Variants in ADGRB3 observed in about 807,000 individuals in gnomAD.
ADGRB3 encodes adhesion G protein-coupled receptor B3.
Under a neutral mutation model 193.4 loss-of-function variants are expected in ADGRB3, and 37 were observed. That is an observed-to-expected ratio of 0.19 (90% confidence interval 0.15 to 0.25). ADGRB3 has a LOEUF of 0.25. Among genes scored for constraint, ADGRB3 ranks in the 10% least tolerant of loss-of-function variants. The probability of loss-of-function intolerance (pLI) is 1.00; values close to 1 mark genes in which losing one functional copy is unlikely to be tolerated. For synonymous variants in ADGRB3, 690 were observed against 644.2 expected (o/e 1.07, Z -1.08); for missense variants, 1,637 against 1,852.9 (o/e 0.88, Z 2.14).
chr6:68,874,962 C>G (rs77304716), intron 3 of ADGRB3, among the ~76,000 whole-genome samples: 1 of 146,550 alleles, frequency 6.8e-6, no homozygotes, highest in Non-Finnish European at 1.6e-5. Flanking sequence ...CACTGATATC[C>G]CCTCAATGCC....
At chr6:68,964,532 C>G (rs766353996) in intron 8 of ADGRB3, among the ~76,000 whole-genome samples, 4 of 152,180 alleles carry the variant, frequency 2.6e-5, no homozygotes, top group Non-Finnish European at 5.9e-5. Flanking sequence ...TAAGGTAATA[C>G]AGAAACTTAG....
intron 3 of ADGRB3, among the ~76,000 whole-genome samples, chr6:68,643,048 T>A (rs1561980659): frequency 6.6e-6 from 1 of 151,832 alleles, no homozygotes; most frequent in Non-Finnish European, 1.5e-5. Context: ...GGCAGAAAAA[T>A]TCTACACCAG....
At position 69,227,476 on chromosome 6, in the gene ADGRB3, A is replaced by C. The variant is rs1766044259; in HGVS notation, c.2481-5814A>C. 2.0e-5 allele frequency among the ~76,000 whole-genome samples: 3 copies of C among 152,168 alleles called. No homozygotes were observed. In the South Asian group the frequency reaches 6.2e-4, roughly 32 times the overall value. ...TGGATTTTTATTGAAGTTAAACTTG[A>C]GGGTAAATGGCGAGAAACACAATGA... On this transcript the variant is annotated intron_variant, in intron 17 of 31. Coordinates refer to ENST00000370598, the MANE Select transcript of ADGRB3 (RefSeq NM_001704.3).
chr6:68,658,788 T>C (rs201511013), intron 3 of ADGRB3, among the ~76,000 whole-genome samples: 1 of 112,496 alleles, frequency 8.9e-6, no homozygotes, highest in Non-Finnish European at 1.9e-5. Context: ...CCTTGAACTT[T>C]ACTTAGCACC....
chr6:69,058,528 A>G (rs568484268), intron 15 of ADGRB3, among the ~76,000 whole-genome samples: 6 of 152,080 alleles, frequency 3.9e-5, no homozygotes, highest in East Asian at 3.9e-4. Flanking sequence ...TCTGAAGTAT[A>G]AAGTCAGGTT....
chr6:69,200,307 A>G (rs1157547712), intron 17 of ADGRB3, among the ~76,000 whole-genome samples: 2 of 152,130 alleles, frequency 1.3e-5, no homozygotes, highest in Admixed American at 6.6e-5. Flanking sequence ...TCTAGATATC[A>G]TATTCTTGAC....
chr6:68,746,919 G>A (rs1223558536), intron 3 of ADGRB3, among the ~76,000 whole-genome samples: 1 of 151,906 alleles, frequency 6.6e-6, no homozygotes, highest in African/African-American at 2.4e-5. Context: ...GGGTTATTGT[G>A]TCTTTTGGAC....
chr6:68,897,485 G>A (rs115915814), intron 3 of ADGRB3, among the ~76,000 whole-genome samples: 1 of 100,158 alleles, frequency 1.0e-5, no homozygotes, highest in African/African-American at 4.5e-5. Context: ...GAGGGATGGA[G>A]GAAGGGAGGG....
intron 20 of ADGRB3, among the ~76,000 whole-genome samples, chr6:69,256,767 T>A (rs1766782663): frequency 6.6e-6 from 1 of 152,222 alleles, no homozygotes; most frequent in African/African-American, 2.4e-5. Flanking sequence ...AGAGAGGGCA[T>A]CCCTGTCTTG....
chr6:69,226,472 T>C (rs79542370), intron 17 of ADGRB3, among the ~76,000 whole-genome samples: 3,817 of 152,256 alleles, frequency 0.025, 153 homozygotes, highest in African/African-American at 0.087. Context: ...GTCCTCATGA[T>C]ATGTACATTC....
intron 18 of ADGRB3, among the ~76,000 whole-genome samples, chr6:69,234,639 G>T (rs572031092): frequency 2.0e-5 from 3 of 152,192 alleles, no homozygotes; most frequent in Non-Finnish European, 4.4e-5. Flanking sequence ...ATTTTACCAA[G>T]AATCATATTG....
At chr6:68,976,332 A>G (rs754607978) in intron 10 of ADGRB3, among the ~76,000 whole-genome samples, 8 of 152,220 alleles carry the variant, frequency 5.3e-5, no homozygotes, top group Non-Finnish European at 1.2e-4. Context: ...AATTCTGTAC[A>G]GCATGTTTCC....
intron 17 of ADGRB3, among the ~76,000 whole-genome samples, chr6:69,208,731 T>C (rs1368474034): frequency 2.0e-5 from 3 of 152,162 alleles, no homozygotes; most frequent in African/African-American, 7.2e-5. Context: ...GTGGAGACCA[T>C]GGCCATTTGA....
At chr6:69,280,038 C>T (rs1179966754) in intron 20 of ADGRB3, among the ~76,000 whole-genome samples, 2 of 152,308 alleles carry the variant, frequency 1.3e-5, no homozygotes, top group African/African-American at 4.8e-5. Context: ...GCTCCCTAGT[C>T]ATCGGCAGGA....
Position 69,382,925 on chromosome 6 carries a change from C to G in ADGRB3, c.4370C>G (p.Thr1457Arg). 1 of 1,599,496 alleles carries G rather than the reference C, an allele frequency of 6.3e-7. No individual in the cohort carries two copies. Among genetic ancestry groups the G allele is most frequent in the South Asian group, 1.1e-5 (1 of 90,336 alleles). ...GACAGATTTCGGGATATACCAAATA[C>G]AAGCAGTATGGTAAGTATGCTTTGC... ...TLDRFRDIPN[T>R]SSMENPAPNK... The change falls in exon 31 of 32, where the codon ACA becomes AGA. Residue 1457 changes from threonine to arginine, a missense_variant. Physicochemically the swap from Thr to Arg is moderately conservative, Grantham distance 71 (BLOSUM62 -1). Around this residue, in one of 7 missense-constraint regions of ADGRB3, gnomAD observed 368 missense variants for 367.4 expected, o/e 1.00. Coordinates refer to ENST00000370598, the MANE Select transcript of ADGRB3 (RefSeq NM_001704.3).
chr6:69,049,297 C>T lies in ADGRB3; in HGVS notation c.2284C>T (p.Leu762Phe). The part of the protein sequence containing the change: ...KELDESSVFV[L>F]GAVLYKNLDL... ...ATTAGATGAATCATCTGTATTTGTT[C>T]TTGGCGCAGTCCTATACAAAAACTT... The change falls in exon 15 of 32, where the codon CTT becomes TTT. Residue 762 changes from leucine to phenylalanine, a missense_variant. Physicochemically the swap from Leu to Phe is conservative, Grantham distance 22. Transcript: ENST00000370598. 1 of 1,608,274 alleles carries T rather than the reference C, an allele frequency of 6.2e-7. No individual in the cohort carries two copies. The highest frequency in any genetic ancestry group is 8.5e-7 in the Non-Finnish European group (1 of 1,176,740).
chr6:68,849,601 T>G (rs1465976144), intron 3 of ADGRB3, among the ~76,000 whole-genome samples: 2 of 151,994 alleles, frequency 1.3e-5, no homozygotes, highest in Non-Finnish European at 2.9e-5. Flanking sequence ...CAAATAATAC[T>G]GAAAATTAAA....
chr6:69,095,901 A>T (rs911878158), intron 17 of ADGRB3, among the ~76,000 whole-genome samples: 2 of 152,180 alleles, frequency 1.3e-5, no homozygotes, highest in Admixed American at 1.3e-4. Context: ...TAGGATTATC[A>T]CACTGGTTTT....
chr6:68,718,630 C>G (rs527873499), intron 3 of ADGRB3, among the ~76,000 whole-genome samples: 88 of 151,854 alleles, frequency 5.8e-4, no homozygotes, highest in South Asian at 5.4e-3. Flanking sequence ...TATGTCTCAT[C>G]TCTTCTGGGA....
Sources: allele counts gnomAD v4.1 joint callset (sites outside exome capture counted in the v4.1 genomes callset), GRCh38; gene constraint gnomAD v4.1.1; regional missense constraint gnomAD v4.1.1; transcripts MANE v1.5; gene names NCBI Gene and HGNC (gene_info 2026-07-23, HGNC 2026-07-21).